RC3H2: variants seen among roughly 807,000 people sequenced by gnomAD.
RC3H2 encodes roquin-2.
A neutral mutation model predicts 133.3 loss-of-function variants in RC3H2; 31 were observed. The ratio of observed to expected loss-of-function variants is 0.23; its 90% confidence interval spans 0.17 to 0.31. The LOEUF is 0.31. RC3H2 is among the 10% of genes least tolerant of loss of function. The pLI is 1.00. For synonymous variants in RC3H2, 517 were observed against 502.2 expected, an observed-to-expected ratio of 1.03 and a Z score of -0.40; for missense variants, 1,175 against 1,437.2, an observed-to-expected ratio of 0.82 and a Z score of 2.95.
Position 122,851,373 on chromosome 9 carries a change from G to A in RC3H2, c.3181C>T (p.Leu1061Phe), listed in dbSNP as rs1830011411. The A allele has an allele frequency of 1.2e-6, 2 of 1,614,166 alleles. No individual in the cohort carries two copies. Among genetic ancestry groups the A allele is most frequent in the African/African-American group, 1.3e-5 (1 of 75,056 alleles). ...GGTTCATCAGTATCAAGTGCTGAAAGCTCTAACTCGATATCCCTATCAGGT... is the reference window on the plus strand; with the variant it reads ...GGTTCATCAGTATCAAGTGCTGAAAACTCTAACTCGATATCCCTATCAGGT... ...TKPDRDIELELSALDTDEPDG... is the reference protein window; with the variant it reads ...TKPDRDIELEFSALDTDEPDG... The change falls in exon 19 of 21, where the codon CTT (leucine) becomes TTT (phenylalanine). Residue 1061 changes from leucine to phenylalanine, a missense_variant. By Grantham distance (22) the Leu-to-Phe change is conservative (BLOSUM62 0). This residue lies in a region of RC3H2 where 220 missense variants were observed against 201.1 expected (regional missense o/e 1.09). Coordinates refer to ENST00000357244, the MANE Select transcript of RC3H2 (RefSeq NM_001100588.3).
intron 10 of RC3H2, 93 bp downstream of exon 10, chr9:122,865,256 G>C (rs1830595641): frequency 9.0e-7 from 1 of 1,110,832 alleles, no homozygotes; most frequent in South Asian, 1.6e-5. Flanking sequence ...TAAAAATTCT[G>C]ATTAACCGGT....
chr9:122,885,011 A>T (rs1831849238), intron 4 of RC3H2, among the ~76,000 whole-genome samples: 1 of 152,186 alleles, frequency 6.6e-6, no homozygotes, highest in South Asian at 2.1e-4. Context: ...CTTGAACTGG[A>T]TCTCACACTT....
At chr9:122,859,207 C>A (rs1332192326) in intron 11 of RC3H2, 105 bp from the exon 12 acceptor site, 2 of 864,848 alleles carry the variant, frequency 2.3e-6, no homozygotes, top group East Asian at 3.4e-5. Context: ...ATATAATAAG[C>A]TTTGAACCTT....
In RC3H2 at chr9:122,847,021, G is replaced by A. The variant is rs1336486867; in HGVS notation, c.*2606C>T. ...CAGAAACAATTCCTATGTTGTTAGT[G>A]AAAAAGAGAGTAAGTTTTTAAGAAC... On this transcript the variant is annotated 3_prime_UTR_variant, in exon 21 of 21. Transcript: ENST00000357244. The A allele has an allele frequency of 6.6e-6, 1 of 152,114 alleles. No homozygotes were observed. Among genetic ancestry groups the A allele is most frequent in the Non-Finnish European group, 1.5e-5 (1 of 67,976 alleles). The allele number at this position is 152,114 out of a possible 1,614,324, so 9.4% of individuals were successfully genotyped here.
At chr9:122,895,256 C>T (rs1232960629) in intron 2 of RC3H2, among the ~76,000 whole-genome samples, 4 of 151,724 alleles carry the variant, frequency 2.6e-5, no homozygotes, top group Non-Finnish European at 5.9e-5. Flanking sequence ...ACCTCCTGGG[C>T]TCAAGTGAAC....
At position 122,853,969 on chromosome 9, in the gene RC3H2, C is replaced by T. The variant is rs766194577; in HGVS notation, c.3100G>A (p.Glu1034Lys). The T allele has an allele frequency of 1.2e-6, 2 of 1,614,162 alleles. No individual in the cohort carries two copies. Among genetic ancestry groups the T allele is most frequent in the East Asian group, 2.2e-5 (1 of 44,890 alleles). The change falls in exon 18 of 21, where the codon GAA becomes AAA. Residue 1034 changes from glutamate (E) to lysine (K), a missense_variant. This residue lies in a region of RC3H2 where 220 missense variants were observed against 201.1 expected (regional missense o/e 1.09). Transcript: ENST00000357244. ...LTLNLLSKEI[E>K]LRNGELQSDY... ...TTCTTTACCTCTCCATTTCTTAGTT[C>T]AATTTCCTTGCTTAAAAGGTTTAAG... is the stretch of plus-strand genomic sequence containing the variant.
intron 1 of RC3H2, among the ~76,000 whole-genome samples, chr9:122,903,346 C>T (rs1028530658): frequency 3.3e-5 from 5 of 152,304 alleles, no homozygotes; most frequent in African/African-American, 1.2e-4. Context: ...TTACTAAAAC[C>T]TTGTTATGAA....
rs563157848 is a variant in RC3H2 at position 122,880,395 on chromosome 9, G to A, written c.960+199C>T. The A allele has an allele frequency of 6.6e-5, 45 of 685,870 alleles. No individual in the cohort carries two copies. The East Asian group carries it at 1.1e-3, about 17-fold the overall frequency. 42.5% of individuals were successfully genotyped at this position (685,870 alleles called of 1,614,324 possible). ...TGTAAGCCTCACTGCTTTTATGCTA[G>A]TATCATGTATTTGTTTCCCTGTTGC... On this transcript the variant is annotated intron_variant, in intron 6 of 20. Transcript: ENST00000357244.
intron 1 of RC3H2, among the ~76,000 whole-genome samples, chr9:122,904,643 G>A (rs1564327383): frequency 6.6e-6 from 1 of 152,122 alleles, no homozygotes. Context: ...GCCCTCCCAG[G>A]GCATTGTTTG....
intron 5 of RC3H2, among the ~76,000 whole-genome samples, chr9:122,881,251 C>G (rs1275169294): frequency 6.6e-6 from 1 of 151,954 alleles, no homozygotes; most frequent in Non-Finnish European, 1.5e-5. Context: ...CTTTGAGAGG[C>G]CGAGGTGGGC....
At chr9:122,900,379 T>C (rs1832609568) in intron 1 of RC3H2, among the ~76,000 whole-genome samples, 1 of 152,180 alleles carries the variant, frequency 6.6e-6, no homozygotes, top group Non-Finnish European at 1.5e-5. Flanking sequence ...TCCAAATATG[T>C]TTTTCTTCAG....
intron 4 of RC3H2, among the ~76,000 whole-genome samples, chr9:122,889,482 AT>A (rs947184460): frequency 1.3e-5 from 2 of 152,196 alleles, no homozygotes; most frequent in Admixed American, 6.5e-5. Context: ...CCAAAAATAA[AT>A]TCTACCCGAA....
At chr9:122,877,230 A>G (rs538679355) in intron 9 of RC3H2, among the ~76,000 whole-genome samples, 1 of 152,238 alleles carries the variant, frequency 6.6e-6, no homozygotes, top group Non-Finnish European at 1.5e-5. Context: ...CCACACAGCT[A>G]ATTTTTAAAT....
chr9:122,856,894 A>C (rs1830271920), intron 13 of RC3H2, among the ~76,000 whole-genome samples: 1 of 152,206 alleles, frequency 6.6e-6, no homozygotes, highest in Non-Finnish European at 1.5e-5. Flanking sequence ...TACAAGTGGC[A>C]TCTAGCAAGC....
chr9:122,888,849 G>A (rs1025727158), intron 4 of RC3H2, among the ~76,000 whole-genome samples: 6 of 152,164 alleles, frequency 3.9e-5, no homozygotes, highest in African/African-American at 1.4e-4. Context: ...AAGTGGGATT[G>A]CTAGACCAAA....
intron 5 of RC3H2, among the ~76,000 whole-genome samples, chr9:122,881,403 A>T (rs1340957459): frequency 6.9e-6 from 1 of 145,348 alleles, no homozygotes; most frequent in Admixed American, 7.2e-5. Flanking sequence ...GGTTGCAGTG[A>T]GCTGAGATAG....
chr9:122,872,912 C>T (rs978920507), intron 9 of RC3H2, among the ~76,000 whole-genome samples: 1 of 152,182 alleles, frequency 6.6e-6, no homozygotes, highest in African/African-American at 2.4e-5. Context: ...GTTGATCCCT[C>T]GCTTTTGACA....
At position 122,880,039 on chromosome 9, in the gene RC3H2, T is replaced by G; in HGVS notation, c.1047A>C (p.Arg349Ser). 6.2e-7 allele frequency: 1 copy of G among 1,614,210 alleles called. No individual in the cohort carries two copies. Among genetic ancestry groups the G allele is most frequent in the South Asian group, 1.1e-5 (1 of 91,084 alleles). The change falls in exon 7 of 21, where the codon AGA (arginine) becomes AGC (serine). Residue 349 changes from arginine to serine, a missense_variant. Arg to Ser is a moderately radical substitution (Grantham distance 110). Transcript: ENST00000357244. ...CAAGAAGCTCTAAATGAGGCCTCAG[T>G]CTATTTAAGTTAGCTGGGTCACCTG... Reference protein sequence around the residue: ...QRTGDPANLNRLRPHLELLAN... With the variant: ...QRTGDPANLNSLRPHLELLAN...
intron 4 of RC3H2, among the ~76,000 whole-genome samples, chr9:122,885,209 G>A (rs535514257): frequency 3.9e-5 from 6 of 152,218 alleles, no homozygotes; most frequent in African/African-American, 9.6e-5. Context: ...AAAAGGAAAG[G>A]AGCATAAAAC....
Sources: gnomAD v4.1 joint callset for allele counts (sites outside exome capture counted in the v4.1 genomes callset) on GRCh38, gnomAD v4.1.1 for gene constraint, gnomAD v4.1.1 regional missense constraint, MANE v1.5 for transcripts, NCBI Gene and HGNC (gene_info 2026-07-23, HGNC 2026-07-21) for gene names.